ABCC8: variants seen among roughly 807,000 people sequenced by gnomAD.
ABCC8 encodes the protein ATP binding cassette subfamily C member 8, also known as ATP-binding cassette sub-family C member 8.
ABCC8 carries 137 observed loss-of-function variants against 188.0 expected under a neutral mutation model. The observed-to-expected ratio is 0.73, with a 90% confidence interval of 0.63 to 0.84. The LOEUF is 0.84. Ranked by LOEUF, ABCC8 falls within the 40% of genes least tolerant of loss-of-function variation. ABCC8 has a pLI of 0.00. For missense variants in ABCC8, 1,750 were observed against 2,072.7 expected (o/e 0.84, Z 3.02); for synonymous variants, 797 against 846.5 (o/e 0.94, Z 1.01).
chr11:17,413,365 G>GA (rs1954907544), intron 20 of ABCC8, 29 bp downstream of exon 20: 1 of 1,614,084 alleles, frequency 6.2e-7, no homozygotes, highest in Non-Finnish European at 8.5e-7. Flanking sequence ...TCCTGGCTTT[G>GA]AAAAAACCCC....
intron 32 of ABCC8, 25 bp from the exon 33 acceptor site, chr11:17,397,071 A>G (rs187475578): frequency 1.2e-6 from 2 of 1,614,078 alleles, no homozygotes; most frequent in African/African-American, 2.7e-5. Context: ...GGGCTCAGCC[A>G]CCAGGCATGG....
intron 21 of ABCC8, among the ~76,000 whole-genome samples, chr11:17,411,449 G>A (rs2133464811): frequency 6.6e-6 from 1 of 152,372 alleles, no homozygotes; most frequent in East Asian, 1.9e-4. Flanking sequence ...CGCTGTGTGT[G>A]TGTCAGACGG....
At chr11:17,448,777 A>G (rs908871852) in intron 7 of ABCC8, 106 bp from the exon 8 acceptor site, 1 of 1,589,936 alleles carries the variant, frequency 6.3e-7, no homozygotes. Flanking sequence ...GACAGTCCCC[A>G]TGGTGCCCTA....
chr11:17,395,340 A>T (rs1430358524), intron 35 of ABCC8, 65 bp from the exon 36 acceptor site: 28 of 1,550,892 alleles, frequency 1.8e-5, no homozygotes, highest in Non-Finnish European at 2.4e-5. Flanking sequence ...CCCAGGCGGC[A>T]AAGAGGGCAG....
intron 10 of ABCC8, among the ~76,000 whole-genome samples, chr11:17,440,006 C>T (rs558608273): frequency 6.6e-6 from 1 of 152,278 alleles, no homozygotes; most frequent in Non-Finnish European, 1.5e-5. Flanking sequence ...TATAAGAAAA[C>T]ATGTCCCAGG....
intron 12 of ABCC8, chr11:17,430,410 T>C (rs1955790731): frequency 2.9e-6 from 1 of 341,606 alleles, no homozygotes; most frequent in South Asian, 2.4e-5. Flanking sequence ...CTGGGAAAGA[T>C]AGACACAGTG....
intron 9 of ABCC8, 50 bp downstream of exon 9, chr11:17,443,128 G>C (rs746354898): frequency 6.2e-7 from 1 of 1,601,838 alleles, no homozygotes; most frequent in Non-Finnish European, 8.6e-7. Context: ...TGCTGCTGTC[G>C]AGGGAAGGAG....
At chr11:17,455,783 C>CA (rs1291597969) in intron 6 of ABCC8, among the ~76,000 whole-genome samples, 1 of 151,436 alleles carries the variant, frequency 6.6e-6, no homozygotes, top group Admixed American at 6.6e-5. Flanking sequence ...ACTAAAAATA[C>CA]AAAAAAATAG....
chr11:17,424,180 G>T (rs912255687), intron 16 of ABCC8, among the ~76,000 whole-genome samples: 1 of 151,590 alleles, frequency 6.6e-6, no homozygotes, highest in Non-Finnish European at 1.5e-5. Flanking sequence ...GGAGGCAAGA[G>T]GAGGGAGAGC....
intron 10 of ABCC8, among the ~76,000 whole-genome samples, chr11:17,435,295 C>G (rs1024563128): frequency 6.6e-6 from 1 of 152,140 alleles, no homozygotes; most frequent in Non-Finnish European, 1.5e-5. Flanking sequence ...AAAGCCTCAC[C>G]CCCAGCCCCC....
chr11:17,396,498 G>A (rs903478808), intron 33 of ABCC8: 1 of 298,642 alleles, frequency 3.3e-6, no homozygotes, highest in East Asian at 8.5e-5. Flanking sequence ...AGTGGGAAAC[G>A]AGAGGAGAGC....
chr11:17,413,598 G>A, intron 19 of ABCC8, 120 bp from the exon 20 acceptor site: 1 of 1,596,822 alleles, frequency 6.3e-7, no homozygotes, highest in Non-Finnish European at 8.5e-7. Flanking sequence ...GCTTTAATAG[G>A]CCTCCCGCTT....
intron 6 of ABCC8, among the ~76,000 whole-genome samples, chr11:17,456,634 A>C (rs1460640586): frequency 6.6e-6 from 1 of 152,188 alleles, no homozygotes; most frequent in African/African-American, 2.4e-5. Context: ...CATTCATACA[A>C]GACTGTTTGA....
intron 16 of ABCC8, among the ~76,000 whole-genome samples, chr11:17,421,609 G>A (rs111800081): frequency 6.6e-6 from 1 of 152,128 alleles, no homozygotes; most frequent in African/African-American, 2.4e-5. Context: ...TTTGTTCCTG[G>A]CAAAGAAGTA....
In ABCC8 at chr11:17,463,462, CA is replaced by C; in HGVS notation, c.554del (p.Val185GlyfsTer8). Reference protein sequence around the residue: ...LVILYGMLLLVEVNVIRVRRY... With the variant: ...LVILYGMLLLXEVNVIRVRRY... ...CCCTCACCCTGATGACATTGACCTC[CA>C]CGAGGAGCAGCATCCCATAGAGGAT... On this transcript the variant is annotated frameshift_variant, in exon 4 of 39. Transcript: ENST00000389817. LOFTEE classifies it high-confidence loss of function. 1.2e-6 allele frequency: 2 copies of C among 1,605,850 alleles called. No homozygotes were observed. Among genetic ancestry groups the C allele is most frequent in the South Asian group, 2.2e-5 (2 of 88,946 alleles).
intron 38 of ABCC8, 135 bp from the exon 39 acceptor site, chr11:17,393,263 G>C: frequency 8.0e-7 from 1 of 1,251,854 alleles, no homozygotes; most frequent in Admixed American, 2.0e-5. Flanking sequence ...TCACTGTGGG[G>C]ACTGCACTTT....
In ABCC8 at chr11:17,428,842, C is replaced by T. The variant is rs536992712; in HGVS notation, c.1818-172G>A. 3.9e-6 allele frequency: 5 copies of T among 1,271,594 alleles called. No homozygotes were observed. In the Admixed American group the frequency reaches 9.6e-5, roughly 24 times the overall value. The allele number at this position is 1,271,594 out of a possible 1,614,324, so 78.8% of individuals were successfully genotyped here. A position where few individuals can be genotyped will look rare whatever the true frequency, so the allele number is the denominator to read the frequency against. On this transcript the variant is annotated intron_variant, in intron 12 of 38. Transcript: ENST00000389817. Reference sequence around the variant, plus strand: ...GCATGGGGGCAGGTAATTGGTGTTACCAGGGTTTGCTAGGGTTGACCAGTC... The same window carrying T: ...GCATGGGGGCAGGTAATTGGTGTTATCAGGGTTTGCTAGGGTTGACCAGTC...
intron 4 of ABCC8, among the ~76,000 whole-genome samples, chr11:17,462,405 G>A (rs1284814491): frequency 1.3e-5 from 2 of 152,214 alleles, no homozygotes; most frequent in Non-Finnish European, 2.9e-5. Flanking sequence ...CGAAAGGGCT[G>A]TAGCCCTCAC....
chr11:17,449,951 G>A (rs796140651), intron 7 of ABCC8, among the ~76,000 whole-genome samples: 4 of 152,240 alleles, frequency 2.6e-5, no homozygotes, highest in South Asian at 4.1e-4. Flanking sequence ...CCTAGGTTAT[G>A]TGAAATGAGA....
Sources: gnomAD v4.1 joint callset for allele counts (sites outside exome capture counted in the v4.1 genomes callset) on GRCh38, gnomAD v4.1.1 for gene constraint, MANE v1.5 for transcripts, NCBI Gene and HGNC (gene_info 2026-07-23, HGNC 2026-07-21) for gene names.